Variants in SLC28A3 observed in about 807,000 individuals in gnomAD.
SLC28A3 encodes solute carrier family 28 member 3, also known as concentrative Na(+)-nucleoside cotransporter 3.
SLC28A3 carries 68 observed loss-of-function variants against 84.2 expected under a neutral mutation model. The ratio of observed to expected loss-of-function variants is 0.81; its 90% CI spans 0.66 to 0.99. The LOEUF is 0.99. Ranked by LOEUF, SLC28A3 falls within the 50% of genes least tolerant of loss-of-function variation. The pLI is 0.00. For missense variants in SLC28A3, 712 were observed against 841.5 expected (o/e 0.85, Z 1.90); for synonymous variants, 267 against 303.6 (o/e 0.88, Z 1.25).
chr9:84,347,036 C>T, the SLC28A3 span, among the ~76,000 whole-genome samples: 7,079 of 151,768 alleles, frequency 0.047, 312 homozygotes, highest in East Asian at 0.17. Context: ...ACTAGCCGGA[C>T]GTGGTAGTGG....
intron 12 of SLC28A3, among the ~76,000 whole-genome samples, chr9:84,286,844 C>T (rs970678284): frequency 2.6e-5 from 4 of 152,094 alleles, no homozygotes; most frequent in Non-Finnish European, 1.5e-5. Context: ...AGGTATCTGT[C>T]TTCCTGAAAT....
At chr9:84,333,033 G>A (rs1190636091) in intron 1 of SLC28A3, among the ~76,000 whole-genome samples, 1 of 152,130 alleles carries the variant, frequency 6.6e-6, no homozygotes, top group East Asian at 1.9e-4. Context: ...GAACTGCCTG[G>A]GAGACAGGTC....
At chr9:84,339,009 CAAAG>C (rs1471525785) in intron 1 of SLC28A3, among the ~76,000 whole-genome samples, 1 of 152,140 alleles carries the variant, frequency 6.6e-6, no homozygotes, top group African/African-American at 2.4e-5. Flanking sequence ...CCCTTATCAC[CAAAG>C]ACAGAGATGC....
At chr9:84,318,302 T>C (rs1473322464) in intron 1 of SLC28A3, among the ~76,000 whole-genome samples, 4 of 152,120 alleles carry the variant, frequency 2.6e-5, no homozygotes, top group Non-Finnish European at 5.9e-5. Context: ...ACTGTTACCT[T>C]TCAATGCTGA....
At chr9:84,278,655 G>C (rs1305029630) in intron 17 of SLC28A3, among the ~76,000 whole-genome samples, 1 of 152,174 alleles carries the variant, frequency 6.6e-6, no homozygotes, top group African/African-American at 2.4e-5. Flanking sequence ...AAACTGTACA[G>C]GGTGGGGGTG....
At chr9:84,337,446 G>A (rs934476014) in intron 1 of SLC28A3, among the ~76,000 whole-genome samples, 10 of 152,078 alleles carry the variant, frequency 6.6e-5, no homozygotes, top group South Asian at 2.1e-4. Flanking sequence ...GTGTGTGCGC[G>A]CGCGTGTGTG....
intron 14 of SLC28A3, among the ~76,000 whole-genome samples, chr9:84,282,645 C>A (rs1237887735): frequency 1.3e-5 from 2 of 152,206 alleles, no homozygotes; most frequent in East Asian, 3.9e-4. Flanking sequence ...TTAGGCCAGA[C>A]AATTTTTCCT....
At chr9:84,348,353 C>CAA in the SLC28A3 span, among the ~76,000 whole-genome samples, 545 of 105,442 alleles carry the variant, frequency 5.2e-3, 11 homozygotes, top group African/African-American at 0.018. Flanking sequence ...GACTCCGTCT[C>CAA]AAAAAAAAAA....
intron 1 of SLC28A3, among the ~76,000 whole-genome samples, chr9:84,325,312 A>C (rs1298582254): frequency 6.6e-6 from 1 of 152,052 alleles, no homozygotes; most frequent in East Asian, 1.9e-4. Context: ...TAGCTTGGGG[A>C]TTTATATCTT....
At chr9:84,320,192 G>A (rs995558287) in intron 1 of SLC28A3, among the ~76,000 whole-genome samples, 14 of 151,056 alleles carry the variant, frequency 9.3e-5, no homozygotes, top group Admixed American at 6.0e-4. Context: ...TGGGACTACA[G>A]GCACACGCCA....
chr9:84,334,305 A>G (rs1191714515), intron 1 of SLC28A3, among the ~76,000 whole-genome samples: 2 of 152,218 alleles, frequency 1.3e-5, no homozygotes, highest in Non-Finnish European at 2.9e-5. Flanking sequence ...TCTCAAAAAA[A>G]CAAAAAAAAA....
chr9:84,330,240 T>A (rs1243414043), intron 1 of SLC28A3, among the ~76,000 whole-genome samples: 2 of 151,686 alleles, frequency 1.3e-5, no homozygotes, highest in East Asian at 3.9e-4. Context: ...CAAGGAAATG[T>A]CAAGGAAAAA....
At chr9:84,331,072 CCT>C (rs903267237) in intron 1 of SLC28A3, among the ~76,000 whole-genome samples, 3 of 152,002 alleles carry the variant, frequency 2.0e-5, no homozygotes, top group African/African-American at 7.3e-5. Context: ...ATCCTTATAC[CCT>C]CTCTCTCTGA....
chr9:84,297,162 T>C, intron 8 of SLC28A3, 59 bp downstream of exon 8: 1 of 1,473,174 alleles, frequency 6.8e-7, no homozygotes, highest in South Asian at 1.2e-5. Flanking sequence ...TCTGAACATC[T>C]ACAAAGACAG....
chr9:84,353,270 C>T, the SLC28A3 span, among the ~76,000 whole-genome samples: 1 of 152,216 alleles, frequency 6.6e-6, no homozygotes, highest in Non-Finnish European at 1.5e-5. Flanking sequence ...TTAAGCCTCA[C>T]TCACGTCTAC....
chr9:84,284,719 A>C (rs1047094236), intron 14 of SLC28A3, among the ~76,000 whole-genome samples: 1 of 152,172 alleles, frequency 6.6e-6, no homozygotes, highest in East Asian at 1.9e-4. Flanking sequence ...GCAGATGTGA[A>C]TGCCTCCTTG....
chr9:84,285,961 G>A lies in SLC28A3; in HGVS notation c.1431C>T (p.Tyr477=), dbSNP rs149048476. The change falls in exon 13 of 18, where the codon TAC becomes TAT. Residue 477 remains tyrosine, a synonymous_variant. Coordinates refer to ENST00000376238, the MANE Select transcript of SLC28A3 (RefSeq NM_001199633.2). ...ATTATACCTCAAAACTCAGCTGTGG[G>A]TAGTCAAACATGTTTCCAAACCAGG... ...ALSWFGNMFD[Y]PQLSFELICS... 480 of 1,613,790 alleles carry A rather than the reference G, an allele frequency of 3.0e-4. No homozygotes were observed. The highest frequency in any genetic ancestry group is 3.8e-4 in the Non-Finnish European group (444 of 1,179,930).
chr9:84,310,539 C>G (rs1305278952), intron 2 of SLC28A3: 1 of 985,298 alleles, frequency 1.0e-6, no homozygotes, highest in African/African-American at 1.7e-5. Context: ...AGTATAATGT[C>G]AAATCTCAGC....
chr9:84,280,843 A>T lies in SLC28A3; in HGVS notation c.1687T>A (p.Phe563Ile), dbSNP rs146066088. 6.2e-7 allele frequency: 1 copy of T among 1,614,154 alleles called. No individual in the cohort carries two copies. The highest frequency in any genetic ancestry group is 2.2e-5 in the East Asian group (1 of 44,888). ...EIIATYALCG[F>I]ANIGSLGIVI... ...ATTCCTAGGGACCCGATATTGGCAA[A>T]ACCACAGAGAGCGTAAGTGGCGATT... The change falls in exon 15 of 18, where the codon TTT becomes ATT. Residue 563 changes from phenylalanine to isoleucine, a missense_variant. Physicochemically the swap from Phe to Ile is conservative, Grantham distance 21. Coordinates refer to ENST00000376238, the MANE Select transcript of SLC28A3 (RefSeq NM_001199633.2).
Sources: allele counts gnomAD v4.1 joint callset (sites outside exome capture counted in the v4.1 genomes callset), GRCh38; gene constraint gnomAD v4.1.1; transcripts MANE v1.5; gene names NCBI Gene and HGNC (gene_info 2026-07-23, HGNC 2026-07-21).